ITGAE: variants seen among roughly 807,000 people sequenced by gnomAD.
ITGAE encodes integrin subunit alpha E, also known as integrin alpha-E.
ITGAE carries 99 observed loss-of-function variants against 136.5 expected under a neutral mutation model. That is an observed-to-expected ratio of 0.73 (90% confidence interval 0.62 to 0.86). The LOEUF (loss-of-function observed/expected upper bound fraction) is 0.86, where lower values mean the gene tolerates loss of function less well. Among genes scored for constraint, ITGAE ranks in the 40% least tolerant of loss-of-function variants. The pLI is 0.00. For synonymous variants in ITGAE, 613 were observed against 591.8 expected (o/e 1.04, Z -0.52); for missense variants, 1,447 against 1,515.3 (o/e 0.95, Z 0.75).
chr17:3,792,856 T>C (rs2052976296), intron 1 of ITGAE, among the ~76,000 whole-genome samples: 5 of 152,094 alleles, frequency 3.3e-5, no homozygotes, highest in Admixed American at 2.6e-4. Flanking sequence ...GCACAACCAG[T>C]CTGGTTATTC....
intron 28 of ITGAE, 129 bp downstream of exon 28, chr17:3,723,159 G>T: frequency 1.5e-6 from 1 of 673,844 alleles, no homozygotes; most frequent in Non-Finnish European, 2.7e-6. Context: ...GGGACAGAGG[G>T]TTGGTTTTTT....
chr17:3,785,283 A>G (rs555684541), intron 1 of ITGAE, among the ~76,000 whole-genome samples: 120 of 152,294 alleles, frequency 7.9e-4, no homozygotes, highest in African/African-American at 2.7e-3. Flanking sequence ...ACCCTGGCCA[A>G]CATGGTGAAG....
chr17:3,748,162 C>T (rs2051766132), intron 16 of ITGAE, 110 bp from the exon 17 acceptor site: 4 of 1,110,094 alleles, frequency 3.6e-6, no homozygotes, highest in Non-Finnish European at 5.1e-6. Context: ...TGCCCACATC[C>T]AGGTGATCCC....
intron 26 of ITGAE, 174 bp from the exon 27 acceptor site, chr17:3,723,918 T>G (rs768490582): frequency 6.5e-7 from 1 of 1,541,438 alleles, no homozygotes; most frequent in South Asian, 1.2e-5. Context: ...CGTTTGAACC[T>G]CTTGGCGGGT....
intron 1 of ITGAE, among the ~76,000 whole-genome samples, chr17:3,792,432 AT>A (rs2052964874): frequency 6.6e-6 from 1 of 152,178 alleles, no homozygotes; most frequent in Non-Finnish European, 1.5e-5. Context: ...TCTATATTTT[AT>A]TCCTTTTTCT....
chr17:3,801,068 G>A, intron 1 of ITGAE, 43 bp downstream of exon 1: 3 of 1,609,346 alleles, frequency 1.9e-6, no homozygotes, highest in Non-Finnish European at 1.7e-6. Flanking sequence ...GGCTGGAGCT[G>A]AGGGCACAGC....
intron 16 of ITGAE, among the ~76,000 whole-genome samples, chr17:3,749,176 T>C (rs1189547091): frequency 6.7e-6 from 1 of 150,234 alleles, no homozygotes; most frequent in African/African-American, 2.5e-5. Flanking sequence ...TGGATGATGA[T>C]GCCATTTGCT....
chr17:3,730,360 A>G (rs2051312002), intron 23 of ITGAE: 1 of 151,760 alleles, frequency 6.6e-6, no homozygotes. Flanking sequence ...AGGCTGAGGC[A>G]GAGAACTGCT....
intron 24 of ITGAE, chr17:3,728,397 G>A (rs539340931): frequency 1.4e-5 from 6 of 417,444 alleles, no homozygotes; most frequent in South Asian, 1.0e-4. Context: ...TTTTTGAGGT[G>A]GAGTCTTGCT....
At chr17:3,731,838 C>T (rs1487626689) in intron 22 of ITGAE, among the ~76,000 whole-genome samples, 7 of 151,210 alleles carry the variant, frequency 4.6e-5, no homozygotes, top group African/African-American at 9.7e-5. Flanking sequence ...TTTGGGAGGT[C>T]GAGGCAGGTG....
chr17:3,766,095 G>T (rs1311863242), intron 2 of ITGAE, among the ~76,000 whole-genome samples: 2 of 152,142 alleles, frequency 1.3e-5, no homozygotes, highest in Non-Finnish European at 2.9e-5. Flanking sequence ...AAATCACAAG[G>T]GTCCTTCTAT....
chr17:3,769,820 G>A (rs1202233099), intron 2 of ITGAE, among the ~76,000 whole-genome samples: 1 of 151,874 alleles, frequency 6.6e-6, no homozygotes, highest in African/African-American at 2.4e-5. Context: ...CTCCTGAGTA[G>A]CTGGGATTAC....
chr17:3,747,784 A>G, intron 17 of ITGAE, 138 bp downstream of exon 17: 1 of 640,862 alleles, frequency 1.6e-6, no homozygotes. Flanking sequence ...CTAAGCTCTA[A>G]TCGAGGGATT....
chr17:3,730,719 C>T (rs527992722), intron 23 of ITGAE, among the ~76,000 whole-genome samples: 220 of 152,210 alleles, frequency 1.4e-3, no homozygotes, highest in Non-Finnish European at 1.6e-3. Flanking sequence ...CAGGCACAGC[C>T]TCTGGTGGGC....
rs1363647648 is a variant in ITGAE, at chr17:3,728,036, A to G, written c.2977-10T>C. The G allele has an allele frequency of 6.2e-7, 1 of 1,611,388 alleles. No individual in the cohort carries two copies. The highest frequency in any genetic ancestry group is 8.5e-7 in the Non-Finnish European group (1 of 1,177,466). On this transcript the variant is annotated splice_polypyrimidine_tract_variant and intron_variant, in intron 25 of 30. Coordinates refer to ENST00000263087, the MANE Select transcript of ITGAE (RefSeq NM_002208.5). ...GGTTCTCCCCATGTACCTGCAAATT[A>G]AAATCAGAGTAGGAAATCAAAGCTG...
chr17:3,745,771 T>G lies in ITGAE; in HGVS notation c.2312A>C (p.Glu771Ala). 6.2e-7 allele frequency: 1 copy of G among 1,613,968 alleles called. No individual in the cohort carries two copies. Among genetic ancestry groups the G allele is most frequent in the South Asian group, 1.1e-5 (1 of 91,066 alleles). The change falls in exon 18 of 31, where the codon GAG becomes GCG. Residue 771 changes from glutamate to alanine, a missense_variant. By Grantham distance (107) the Glu-to-Ala change is moderately radical. Around this residue, in one of 3 missense-constraint regions of ITGAE, gnomAD observed 1,031 missense variants for 1,011.4 expected, o/e 1.02. Coordinates refer to ENST00000263087, the MANE Select transcript of ITGAE (RefSeq NM_002208.5). The stretch of plus-strand genomic sequence containing the variant: ...CCAAACTCCGTCACTTACCTCTCCC[T>G]CTGTGGGCATGAGCAGGAGGTCCTC... ...LCEDLLLMPTEGELCEEDCFS... is the reference protein window; with the variant it reads ...LCEDLLLMPTAGELCEEDCFS...
chr17:3,741,792 C>T (rs1055678999), intron 19 of ITGAE, among the ~76,000 whole-genome samples: 1 of 152,210 alleles, frequency 6.6e-6, no homozygotes, highest in African/African-American at 2.4e-5. Context: ...AAATGCATAA[C>T]CTGGCCAGGC....
At chr17:3,766,348 T>G (rs1234364502) in intron 2 of ITGAE, among the ~76,000 whole-genome samples, 1 of 152,124 alleles carries the variant, frequency 6.6e-6, no homozygotes, top group Admixed American at 6.5e-5. Flanking sequence ...AAGCTTGCTA[T>G]GCTGCAGGCC....
intron 1 of ITGAE, chr17:3,784,262 AAAAAT>A (rs2052733711): frequency 3.2e-5 from 11 of 341,582 alleles, no homozygotes; most frequent in South Asian, 6.6e-5. Flanking sequence ...TCCATCTCAA[AAAAAT>A]AAAATAAAAT....
Sources: gnomAD v4.1 joint callset for allele counts (sites outside exome capture counted in the v4.1 genomes callset) on GRCh38, gnomAD v4.1.1 for gene constraint, gnomAD v4.1.1 regional missense constraint, MANE v1.5 for transcripts, NCBI Gene and HGNC (gene_info 2026-07-23, HGNC 2026-07-21) for gene names.